Variants in RAG1 observed in about 807,000 individuals in gnomAD.
RAG1 encodes V(D)J recombination-activating protein 1.
In RAG1, 35 loss-of-function variants were observed where a neutral mutation model predicts 62.7. That is an observed-to-expected ratio of 0.56 (90% CI 0.43 to 0.74). The LOEUF is 0.74. Among genes scored for constraint, RAG1 ranks in the 30% least tolerant of loss-of-function variants. The pLI is 0.00. For synonymous variants in RAG1, 461 were observed against 470.3 expected, an observed-to-expected ratio of 0.98 and a Z score of 0.26; for missense variants, 1,169 against 1,278.6, an observed-to-expected ratio of 0.91 and a Z score of 1.31.
Position 36,573,403 on chromosome 11 carries a change from C to G in RAG1, c.99C>G (p.Phe33Leu). Residue 33 changes from phenylalanine (F) to leucine (L), a missense_variant, in exon 2 of 2, where the codon TTC (phenylalanine) becomes TTG (leucine). Phe to Leu is a conservative substitution (Grantham distance 22, BLOSUM62 0). Coordinates refer to ENST00000299440, the MANE Select transcript of RAG1 (RefSeq NM_000448.3). ...IKFSEWKFKL[F>L]RVRSFEKTPE... ...TTTCAGAATGGAAATTTAAGCTGTTCCGGGTGAGATCCTTTGAAAAGACAC... is the reference window on the plus strand; with the variant it reads ...TTTCAGAATGGAAATTTAAGCTGTTGCGGGTGAGATCCTTTGAAAAGACAC... 1 of 1,614,088 alleles carries G rather than the reference C, an allele frequency of 6.2e-7. No homozygotes were observed. The highest frequency in any genetic ancestry group is 8.5e-7 in the Non-Finnish European group (1 of 1,180,022).
At chr11:36,558,230 G>C (rs1430293647) in intron 3 of RAG1, among the ~76,000 whole-genome samples, 2 of 152,230 alleles carry the variant, frequency 1.3e-5, no homozygotes, top group Admixed American at 6.5e-5. Flanking sequence ...GTGCTGATGA[G>C]AAGGTTGTGT....
At chr11:36,546,484 A>C (rs1289565195) in intron 3 of RAG1, among the ~76,000 whole-genome samples, 1 of 152,080 alleles carries the variant, frequency 6.6e-6, no homozygotes, top group African/African-American at 2.4e-5. Flanking sequence ...TGCACATGAG[A>C]TGGGTCTCCT....
In RAG1 at chr11:36,577,537, G is replaced by A. The variant is rs145963034; in HGVS notation, c.*1101G>A. ...AGGATAACCTTGTATTTTTCCATCC[G>A]CTAAGTTTAGATGGAGTCCAAACGC... On this transcript the variant is annotated 3_prime_UTR_variant, in exon 2 of 2. Transcript: ENST00000299440. The A allele has an allele frequency of 4.3e-3, 723 of 167,018 alleles. 10 individuals carry two copies. Among genetic ancestry groups the A allele is most frequent in the Non-Finnish European group, 1.8e-3 (122 of 68,094 alleles). The allele number at this position is 167,018 out of a possible 1,614,324, so 10.3% of individuals were successfully genotyped here. A position where few individuals can be genotyped will look rare whatever the true frequency, so the allele number is the denominator to read the frequency against.
At chr11:36,571,803 A>T (rs191690982) in intron 1 of RAG1, among the ~76,000 whole-genome samples, 9 of 152,228 alleles carry the variant, frequency 5.9e-5, no homozygotes, top group Non-Finnish European at 1.5e-5. Flanking sequence ...TTTTTGGTAC[A>T]GATGGAGTAT....
intron 1 of RAG1, among the ~76,000 whole-genome samples, chr11:36,514,769 A>G (rs1264450067): frequency 1.3e-5 from 2 of 152,224 alleles, no homozygotes; most frequent in East Asian, 3.8e-4. Flanking sequence ...GGTGGAGCTC[A>G]GGCAGTAATG....
chr11:36,521,033 C>A lies in RAG1; in HGVS notation n.428+804C>A, dbSNP rs1244249113. On this transcript the variant is annotated intron_variant and non_coding_transcript_variant, in intron 2 of 2. Coordinates refer to the RAG1 transcript ENST00000529126. Reference sequence around the variant, plus strand: ...AGAGTGCCATGGCATGATCTTGGCTCACTGCAACCTCCGCCTCCTGGGTTC... The same window carrying A: ...AGAGTGCCATGGCATGATCTTGGCTAACTGCAACCTCCGCCTCCTGGGTTC... Among the ~76,000 whole-genome samples the A allele has an allele frequency of 3.4e-5, 5 of 147,488 alleles. No individual in the cohort carries two copies. The Admixed American group carries it at 3.5e-4, about 10-fold the overall frequency.
intron 2 of RAG1, among the ~76,000 whole-genome samples, chr11:36,532,171 T>G (rs1860266068): frequency 6.6e-6 from 1 of 152,004 alleles, no homozygotes; most frequent in African/African-American, 2.4e-5. Context: ...AGAAAATCAC[T>G]AGAAATATTG....
chr11:36,534,014 T>C (rs1237673511), intron 2 of RAG1, among the ~76,000 whole-genome samples: 2 of 152,094 alleles, frequency 1.3e-5, no homozygotes, highest in African/African-American at 4.8e-5. Flanking sequence ...GAATGTAGCA[T>C]TATAATTAGC....
intron 1 of RAG1, among the ~76,000 whole-genome samples, chr11:36,569,887 A>G (rs974491591): frequency 6.6e-6 from 1 of 152,180 alleles, no homozygotes; most frequent in Non-Finnish European, 1.5e-5. Context: ...GAATCCTACT[A>G]TACTTGCTAT....
rs1363712023 is a variant in RAG1, at chr11:36,578,923, A to AT, written c.*2492dup. 1 of 167,040 alleles carries AT rather than the reference A, an allele frequency of 6.0e-6. No individual in the cohort carries two copies. Among genetic ancestry groups the AT allele is most frequent in the Non-Finnish European group, 1.5e-5 (1 of 68,126 alleles). 10.3% of individuals were successfully genotyped at this position (167,040 alleles called of 1,614,324 possible). A position where few individuals can be genotyped will look rare whatever the true frequency, so the allele number is the denominator to read the frequency against. ...TACTGGGACTTCAGAAGTGCAATGT[A>AT]TTTTTCTCCTGTGAAACCTGAATCT... On this transcript the variant is annotated 3_prime_UTR_variant, in exon 2 of 2. Coordinates refer to ENST00000299440, the MANE Select transcript of RAG1 (RefSeq NM_000448.3).
Position 36,575,448 on chromosome 11 carries a change from T to G in RAG1, c.2144T>G (p.Val715Gly). ...GGCACCGGCTATGATGAAAAACTTG[T>G]GCGGGAAGTGGAAGGCCTCGAGGCT... ...FRGTGYDEKL[V>G]REVEGLEASG... The change falls in exon 2 of 2, where the codon GTG becomes GGG. Residue 715 changes from valine (V) to glycine (G), a missense_variant. Around this residue, in one of 2 missense-constraint regions of RAG1, gnomAD observed 800 missense variants for 943.3 expected, o/e 0.85. Coordinates refer to ENST00000299440, the MANE Select transcript of RAG1 (RefSeq NM_000448.3). The surrounding 1 kb of genome is among the most constrained non-coding windows in gnomAD (Gnocchi z 4.1). 6.2e-7 allele frequency: 1 copy of G among 1,614,146 alleles called. No individual in the cohort carries two copies.
At position 36,575,375 on chromosome 11, in the gene RAG1, A is replaced by G. The variant is rs764401387; in HGVS notation, c.2071A>G (p.Met691Val). ...EREAMKSSEL[M>V]LELGGILRTF... ...GGAGGCCATGAAGAGCAGTGAATTA[A>G]TGCTTGAGCTGGGAGGCATTCTCCG... is the stretch of plus-strand genomic sequence containing the variant. Residue 691 changes from methionine (M) to valine (V), a missense_variant, in exon 2 of 2, where the codon ATG (methionine) becomes GTG (valine). This residue lies in a region of RAG1 where 800 missense variants were observed against 943.3 expected (regional missense o/e 0.85). Transcript: ENST00000299440. The surrounding 1 kb of genome is among the most constrained non-coding windows in gnomAD (Gnocchi z 4.1). 6.2e-6 allele frequency: 10 copies of G among 1,613,912 alleles called. No homozygotes were observed. The highest frequency in any genetic ancestry group is 5.5e-5 in the South Asian group (5 of 91,086).
intron 1 of RAG1, among the ~76,000 whole-genome samples, chr11:36,515,183 G>A (rs1859979608): frequency 6.6e-6 from 1 of 152,160 alleles, no homozygotes; most frequent in Admixed American, 6.6e-5. Context: ...ACACCTGAGA[G>A]TCAGAATCTT....
intron 1 of RAG1, among the ~76,000 whole-genome samples, chr11:36,514,773 A>T (rs1174793672): frequency 6.6e-6 from 1 of 152,188 alleles, no homozygotes; most frequent in Non-Finnish European, 1.5e-5. Context: ...GAGCTCAGGC[A>T]GTAATGTGAG....
intron 2 of RAG1, among the ~76,000 whole-genome samples, chr11:36,520,552 C>T (rs1038796744): frequency 1.3e-5 from 2 of 152,226 alleles, no homozygotes; most frequent in African/African-American, 4.8e-5. Context: ...GCTGGGATTA[C>T]AGGCATGAGC....
intron 1 of RAG1, among the ~76,000 whole-genome samples, chr11:36,512,692 C>T (rs1354247955): frequency 1.3e-5 from 2 of 152,126 alleles, no homozygotes; most frequent in Non-Finnish European, 2.9e-5. Flanking sequence ...TTGAATATTC[C>T]TATTAGTAAA....
intron 3 of RAG1, among the ~76,000 whole-genome samples, chr11:36,550,483 C>T (rs1292461951): frequency 6.6e-6 from 1 of 152,050 alleles, no homozygotes; most frequent in African/African-American, 2.4e-5. Flanking sequence ...AAAGGCATAG[C>T]TTCTAAGGAC....
intron 1 of RAG1, among the ~76,000 whole-genome samples, chr11:36,513,312 A>G (rs1268250203): frequency 6.6e-6 from 1 of 152,206 alleles, no homozygotes; most frequent in African/African-American, 2.4e-5. Flanking sequence ...AGACAATATC[A>G]TTCCTGGGTT....
Position 36,576,208 on chromosome 11 carries a change from C to T in RAG1, c.2904C>T (p.Asn968=). Residue 968 remains asparagine (N), a synonymous_variant, in exon 2 of 2, where the codon AAC becomes AAT. Transcript: ENST00000299440. ...CAAGTGAGGGAAATGAGTCTGGTAA[C>T]AAACTGTTTAGGCGCTTCCGGAAAA... The part of the protein sequence containing the change: ...AWASEGNESG[N]KLFRRFRKMN... The T allele has an allele frequency of 6.2e-7, 1 of 1,614,122 alleles. No individual in the cohort carries two copies. Among genetic ancestry groups the T allele is most frequent in the Non-Finnish European group, 8.5e-7 (1 of 1,180,046 alleles).
Sources: allele counts gnomAD v4.1 joint callset (sites outside exome capture counted in the v4.1 genomes callset), GRCh38; gene constraint gnomAD v4.1.1; regional missense constraint gnomAD v4.1.1; non-coding constraint Gnocchi (gnomAD v3.1); transcripts MANE v1.5; gene names NCBI Gene and HGNC (gene_info 2026-07-23, HGNC 2026-07-21).